PLEKHG5: variants seen among roughly 807,000 people sequenced by gnomAD.
PLEKHG5 encodes the protein pleckstrin homology domain-containing family G member 5.
PLEKHG5 carries 52 observed loss-of-function variants against 103.8 expected under a neutral mutation model. That is an observed-to-expected ratio of 0.50 (90% CI 0.40 to 0.63). The LOEUF (loss-of-function observed/expected upper bound fraction) is 0.63. Ranked by LOEUF, PLEKHG5 falls within the 30% of genes least tolerant of loss-of-function variation. The pLI is 0.00. For synonymous variants in PLEKHG5, 592 were observed against 575.5 expected, an observed-to-expected ratio of 1.03 and a Z score of -0.41; for missense variants, 1,205 against 1,347.6, an observed-to-expected ratio of 0.89 and a Z score of 1.66.
intron 1 of PLEKHG5, among the ~76,000 whole-genome samples, chr1:6,479,071 CTCCCCTGGGGCAGAA>C (rs1644835427): frequency 6.6e-6 from 1 of 152,196 alleles, no homozygotes; most frequent in Non-Finnish European, 1.5e-5. Context: ...CGGCACCCCC[CTCCCCTGGGGCAGAA>C]ATCATGCTGC....
rs373087396 is a variant in PLEKHG5, at chr1:6,475,535, G to A, written c.150-13C>T. 18 of 1,611,474 alleles carry A rather than the reference G, an allele frequency of 1.1e-5. No homozygotes were observed. Among genetic ancestry groups the A allele is most frequent in the Middle Eastern group, 1.6e-4 (1 of 6,078 alleles). On this transcript the variant is annotated splice_polypyrimidine_tract_variant and intron_variant, in intron 3 of 20. Transcript: ENST00000377728. ...GCTCTTCCGGTCCCTGCAGGGAAGC[G>A]AGGAGGGCAGAGGCTGGAGGTGTGG...
chr1:6,498,696 C>G (rs915373115), upstream of PLEKHG5, among the ~76,000 whole-genome samples: 1 of 152,206 alleles, frequency 6.6e-6, no homozygotes, highest in Non-Finnish European at 1.5e-5. Context: ...AGGGAAGCAG[C>G]TGCCCGGGGC....
chr1:6,486,008 C>T lies in PLEKHG5; in HGVS notation c.-88+5629G>A. On this transcript the variant is annotated intron_variant, in intron 1 of 20. Transcript: ENST00000377728. The surrounding 1 kb of genome is among the most constrained non-coding windows in gnomAD (Gnocchi z 5.3). ...CCCCACCTTGGAGACTGTGGAGCCC[C>T]TCCCCTGGGTGACTCGATCCCCGCC... is the stretch of plus-strand genomic sequence containing the variant. The T allele has an allele frequency of 1.3e-5, 8 of 635,836 alleles. No individual in the cohort carries two copies. The highest frequency in any genetic ancestry group is 1.6e-5 in the Non-Finnish European group (8 of 511,152). The allele number at this position is 635,836 out of a possible 1,614,324, so 39.4% of individuals were successfully genotyped here. A position where few individuals can be genotyped will look rare whatever the true frequency, so the allele number is the denominator to read the frequency against.
At position 6,469,274 on chromosome 1, in the gene PLEKHG5, T is replaced by C. The variant is rs372426933; in HGVS notation, c.2050-33A>G. The C allele has an allele frequency of 1.7e-5, 27 of 1,613,828 alleles. No individual in the cohort carries two copies. In the East Asian group the frequency reaches 3.1e-4, roughly 19 times the overall value. Reference sequence around the variant, plus strand: ...CAAGGTTGGGGTACATGGGACAGAATGGGTTGTGACCAGCATCTCCCTAAT... The same window carrying C: ...CAAGGTTGGGGTACATGGGACAGAACGGGTTGTGACCAGCATCTCCCTAAT... On this transcript the variant is annotated intron_variant, in intron 18 of 20. Coordinates refer to ENST00000377728, the MANE Select transcript of PLEKHG5 (RefSeq NM_020631.6).
At chr1:6,475,670 G>C in intron 3 of PLEKHG5, 148 bp from the exon 4 acceptor site, 1 of 778,164 alleles carries the variant, frequency 1.3e-6, no homozygotes, top group Non-Finnish European at 2.2e-6. Flanking sequence ...CCCGCATAGG[G>C]CTGTGCGCCC....
chr1:6,476,175 G>A (rs1644761684), intron 2 of PLEKHG5, 139 bp from the exon 3 acceptor site: 1 of 734,248 alleles, frequency 1.4e-6, no homozygotes, highest in East Asian at 2.7e-5. Flanking sequence ...TCTGTGAGGA[G>A]AGGGGCTCAG....
At position 6,516,842 on chromosome 1, in the gene PLEKHG5, ATATATATGTGTGTGTATATATGTG is replaced by A. The variant is rs1638632911; in HGVS notation, c.-165+2579_-165+2602del. Among the ~76,000 whole-genome samples the A allele has an allele frequency of 6.9e-5, 9 of 129,518 alleles. No individual in the cohort carries two copies. The Admixed American group carries it at 7.3e-4, about 11-fold the overall frequency. 85.0% of individuals were successfully genotyped at this position (129,518 alleles called of 152,430 possible). A position where few individuals can be genotyped will look rare whatever the true frequency, so the allele number is the denominator to read the frequency against. On this transcript the variant is annotated intron_variant, in intron 1 of 21. Coordinates refer to the PLEKHG5 transcript ENST00000377740. ...TATATGTGTATATATGTGTGTGTAT[ATATATATGTGTGTGTATATATGTG>A]TATATATATATATATATATACACAT...
upstream of PLEKHG5, among the ~76,000 whole-genome samples, chr1:6,492,930 T>C (rs552431117): frequency 1.5e-5 from 2 of 129,386 alleles, no homozygotes; most frequent in Middle Eastern, 3.8e-3. Context: ...CTGTGCCCCC[T>C]GGCCTCGCTT....
In PLEKHG5 at chr1:6,473,327, T is replaced by C. The variant is rs199794578; in HGVS notation, c.719A>G (p.Asp240Gly). Residue 240 changes from aspartate to glycine, a missense_variant, in exon 8 of 21, where the codon GAC (aspartate) becomes GGC (glycine). Coordinates refer to ENST00000377728, the MANE Select transcript of PLEKHG5 (RefSeq NM_020631.6). ...SGSSGSTNTG[D>G]SWKNRAASRF... ...ACTGGCCGCCCGGTTCTTCCAGCTGTCGCCAGTGTTGGTGCTGCCACTGCT... is the reference window on the plus strand; with the variant it reads ...ACTGGCCGCCCGGTTCTTCCAGCTGCCGCCAGTGTTGGTGCTGCCACTGCT... 6.7e-4 allele frequency: 1,052 copies of C among 1,561,980 alleles called. 1 individual carries two copies. Among genetic ancestry groups the C allele is most frequent in the Non-Finnish European group, 8.6e-4 (997 of 1,154,234 alleles).
At position 6,470,748 on chromosome 1, in the gene PLEKHG5, GC is replaced by G; in HGVS notation, c.1528del (p.Ala510ProfsTer5). On this transcript the variant is annotated frameshift_variant, in exon 14 of 21. Coordinates refer to ENST00000377728, the MANE Select transcript of PLEKHG5 (RefSeq NM_020631.6). LOFTEE classifies it high-confidence loss of function. ...CATCAGGGTTACCATGGCGACGACGGCCTCCTTGGCGCGCGGCTCCTCGGTC... is the reference window on the plus strand; with the variant it reads ...CATCAGGGTTACCATGGCGACGACGGCTCCTTGGCGCGCGGCTCCTCGGTC... ...RKTEEPRAKE[A>X]VVAMIGSVER... is the part of the protein sequence containing the mutation. 1 of 1,560,710 alleles carries G rather than the reference GC, an allele frequency of 6.4e-7. No individual in the cohort carries two copies. The highest frequency in any genetic ancestry group is 8.7e-7 in the Non-Finnish European group (1 of 1,154,436).
chr1:6,486,099 C>G lies in PLEKHG5; in HGVS notation c.-88+5538G>C, dbSNP rs1645032070. On this transcript the variant is annotated intron_variant, in intron 1 of 20. Coordinates refer to ENST00000377728, the MANE Select transcript of PLEKHG5 (RefSeq NM_020631.6). This position sits in a 1 kb window ranked among gnomAD's most constrained non-coding sequence, Gnocchi z 5.3. Reference sequence around the variant, plus strand: ...CCCTCAGCGCCAACACGCACGGTCCCTCCCAGCCAGAAGGGTACCTTCCCT... The same window carrying G: ...CCCTCAGCGCCAACACGCACGGTCCGTCCCAGCCAGAAGGGTACCTTCCCT... 3 of 156,294 alleles carry G rather than the reference C, an allele frequency of 1.9e-5. No homozygotes were observed. In the Middle Eastern group the frequency reaches 9.4e-3, roughly 491 times the overall value. The allele number at this position is 156,294 out of a possible 1,614,324, so 9.7% of individuals were successfully genotyped here. A position where few individuals can be genotyped will look rare whatever the true frequency, so the allele number is the denominator to read the frequency against.
chr1:6,520,069 C>G (rs1638729912), upstream of PLEKHG5: 2 of 182,418 alleles, frequency 1.1e-5, no homozygotes, highest in Admixed American at 1.1e-4. Context: ...AAGTGAGCCT[C>G]AAAACATTAG....
At position 6,467,267 on chromosome 1, in the gene PLEKHG5, A is replaced by C; in HGVS notation, c.*296T>G. ...AATCCCACTGGAGGCCAGTGAGGGT[A>C]GAAGTAGGATGGGCAGCCTAGGAGC... On this transcript the variant is annotated 3_prime_UTR_variant, in exon 21 of 21. Transcript: ENST00000377728. The C allele has an allele frequency of 9.1e-6, 5 of 551,612 alleles. No homozygotes were observed. Among genetic ancestry groups the C allele is most frequent in the Non-Finnish European group, 1.3e-5 (4 of 302,410 alleles). The allele number at this position is 551,612 out of a possible 1,614,324, so 34.2% of individuals were successfully genotyped here.
rs1644403071 is a variant in PLEKHG5 at position 6,467,124 on chromosome 1, G to A, written c.*439C>T. The A allele has an allele frequency of 6.8e-6, 2 of 293,548 alleles. No individual in the cohort carries two copies. Among genetic ancestry groups the A allele is most frequent in the Admixed American group, 4.8e-5 (1 of 20,770 alleles). The allele number at this position is 293,548 out of a possible 1,614,324, so 18.2% of individuals were successfully genotyped here. A position where few individuals can be genotyped will look rare whatever the true frequency, so the allele number is the denominator to read the frequency against. On this transcript the variant is annotated 3_prime_UTR_variant, in exon 21 of 21. Coordinates refer to ENST00000377728, the MANE Select transcript of PLEKHG5 (RefSeq NM_020631.6). ...CCAAAGCAAAGGACTCTTCCCAGTG[G>A]AGTCTAGACAAGTCTTTATAAAAGA...
rs764744824 is a variant in PLEKHG5 at position 6,471,550 on chromosome 1, C to T, written c.1219G>A (p.Glu407Lys). ...LWASVMAPVL[E>K]KARRTRALLQ... ...AGCGCTCGCGTGCGCCGCGCCTTCT[C>T]CAGCACCGGCGCCATCACGCTAGCC... Residue 407 changes from glutamate to lysine, a missense_variant, in exon 12 of 21, where the codon GAG becomes AAG. Glu to Lys is a moderately conservative substitution (Grantham distance 56). Transcript: ENST00000377728. 13 of 1,606,464 alleles carry T rather than the reference C, an allele frequency of 8.1e-6. No homozygotes were observed. Among genetic ancestry groups the T allele is most frequent in the Non-Finnish European group, 1.0e-5 (12 of 1,177,456 alleles).
In PLEKHG5 at chr1:6,491,522, A is replaced by G; in HGVS notation, c.-88+115T>C. On this transcript the variant is annotated intron_variant, in intron 1 of 20. Transcript: ENST00000377728. This position sits in a 1 kb window ranked among gnomAD's most constrained non-coding sequence, Gnocchi z 4.1. ...GCCCCACCACCTCTCTCCGGGGACC[A>G]GTCACTTCCAGAGATGGCCCAAACC... The G allele has an allele frequency of 3.1e-6, 1 of 322,256 alleles. No homozygotes were observed. Among genetic ancestry groups the G allele is most frequent in the Non-Finnish European group, 4.5e-6 (1 of 224,496 alleles). The allele number at this position is 322,256 out of a possible 1,614,324, so 20.0% of individuals were successfully genotyped here. A position where few individuals can be genotyped will look rare whatever the true frequency, so the allele number is the denominator to read the frequency against.
In PLEKHG5 at chr1:6,468,348, A is replaced by G; in HGVS notation, c.2488T>C (p.Phe830Leu). Residue 830 changes from phenylalanine to leucine, a missense_variant, in exon 20 of 21, where the codon TTT becomes CTT. Transcript: ENST00000377728. ...TCTGCCATTGGGCCTGGGGCCACAAAGTCTTGTAAGGAGGTTGGGGAGAGG... is the reference window on the plus strand; with the variant it reads ...TCTGCCATTGGGCCTGGGGCCACAAGGTCTTGTAAGGAGGTTGGGGAGAGG... ...GTLSPTSLQD[F>L]VAPGPMAELV... The G allele has an allele frequency of 6.2e-7, 1 of 1,609,368 alleles. No homozygotes were observed.
At chr1:6,514,796 G>A (rs571444252) in intron 1 of PLEKHG5, among the ~76,000 whole-genome samples, 7 of 151,270 alleles carry the variant, frequency 4.6e-5, no homozygotes, top group Admixed American at 2.0e-4. Flanking sequence ...GGCCAGCCGC[G>A]GTGGCTCAAG....
upstream of PLEKHG5, among the ~76,000 whole-genome samples, chr1:6,498,264 C>T (rs1325729721): frequency 1.3e-5 from 2 of 152,162 alleles, no homozygotes; most frequent in Admixed American, 6.5e-5. Context: ...CCAGCAGGGC[C>T]GGGTCCCTCT....
Sources: allele counts gnomAD v4.1 joint callset (sites outside exome capture counted in the v4.1 genomes callset), GRCh38; gene constraint gnomAD v4.1.1; non-coding constraint Gnocchi (gnomAD v3.1); transcripts MANE v1.5; gene names NCBI Gene and HGNC (gene_info 2026-07-23, HGNC 2026-07-21).